The following AP4B1 variants were observed in gnomAD, a reference collection of about 807,000 sequenced individuals.
The protein encoded by AP4B1 is adaptor related protein complex 4 subunit beta 1.
Under a neutral mutation model 76.5 loss-of-function variants are expected in AP4B1, and 49 were observed. The observed-to-expected ratio is 0.64, with a 90% CI of 0.51 to 0.81. AP4B1 has a LOEUF of 0.81. Among genes scored for constraint, AP4B1 ranks in the 40% least tolerant of loss-of-function variants. The pLI, the probability that AP4B1 is intolerant of heterozygous loss-of-function variation, is 0.00. For synonymous variants in AP4B1, 330 were observed against 333.3 expected, an observed-to-expected ratio of 0.99 and a Z score of 0.11; for missense variants, 911 against 904.9, an observed-to-expected ratio of 1.01 and a Z score of -0.09.
In AP4B1 at chr1:113,894,834, C is replaced by G. The variant is rs1040735397; in HGVS notation, c.*231G>C. On this transcript the variant is annotated 3_prime_UTR_variant, in exon 10 of 10. Coordinates refer to ENST00000369569, the MANE Select transcript of AP4B1 (RefSeq NM_001253852.3). ...CCAAATCCCATCCTCAACGCATCTCCTTACCAACATTAACCTCTACAACAT... is the reference window on the plus strand; with the variant it reads ...CCAAATCCCATCCTCAACGCATCTCGTTACCAACATTAACCTCTACAACAT... 3.8e-6 allele frequency: 2 copies of G among 519,838 alleles called. No homozygotes were observed. Among genetic ancestry groups the G allele is most frequent in the African/African-American group, 3.8e-5 (2 of 52,278 alleles). 32.2% of individuals were successfully genotyped at this position (519,838 alleles called of 1,614,324 possible).
At chr1:113,896,868 G>A in intron 7 of AP4B1, 1 of 237,278 alleles carries the variant, frequency 4.2e-6, no homozygotes, top group Non-Finnish European at 8.3e-6. Flanking sequence ...TGTCAGCCGG[G>A]CACGGTGGCT....
rs1668446768 is a variant in AP4B1 at position 113,902,777 on chromosome 1, A to G, written c.199T>C (p.Leu67=). 6.2e-7 allele frequency: 1 copy of G among 1,614,164 alleles called. No homozygotes were observed. The highest frequency in any genetic ancestry group is 8.5e-7 in the Non-Finnish European group (1 of 1,180,032). The change falls in exon 2 of 10, where the codon TTG becomes CTG. Residue 67 remains leucine (L), a synonymous_variant. Transcript: ENST00000369569. ...SATVDIVQKK[L]VYLYMCTYAP... ...TATGTGCACATGTACAGATAAACCA[A>G]CTTCTTCTGGACAATATCTACAGTG...
rs1050642044 is a variant in AP4B1 at position 113,899,920 on chromosome 1, A to G, written c.1098T>C (p.Ala366=). Residue 366 remains alanine (A), a synonymous_variant, in exon 5 of 10, where the codon GCT becomes GCC. Transcript: ENST00000369569. ...CTDVSADFAQ[A]AIFAIGGIAR... ...GACACCTACCTATGGCAAAGATGGC[A>G]GCCTGTGCAAAGTCCGCAGACACAT... 7 of 1,614,072 alleles carry G rather than the reference A, an allele frequency of 4.3e-6. No individual in the cohort carries two copies. The highest frequency in any genetic ancestry group is 1.7e-5 in the Admixed American group (1 of 60,004).
Position 113,896,280 on chromosome 1 carries a change from T to C in AP4B1, c.1488A>G (p.Gly496=), listed in dbSNP as rs1667453777. The C allele has an allele frequency of 1.9e-6, 3 of 1,613,994 alleles. No homozygotes were observed. The highest frequency in any genetic ancestry group is 2.5e-6 in the Non-Finnish European group (3 of 1,180,030). ...SRPAECQDML[G]RLLYYCIEEE... ...CACCTATGCAGTAATACAACAAACG[T>C]CCTAGCATGTCCTGGCACTCAGCAG... Residue 496 remains glycine (G), a synonymous_variant, in exon 8 of 10, where the codon GGA becomes GGG. Coordinates refer to ENST00000369569, the MANE Select transcript of AP4B1 (RefSeq NM_001253852.3).
intron 5 of AP4B1, 81 bp from the exon 6 acceptor site, chr1:113,898,882 G>T: frequency 3.0e-6 from 3 of 1,003,696 alleles, no homozygotes; most frequent in African/African-American, 1.8e-5. Flanking sequence ...ACCAGTGAAA[G>T]ACAAAAGAAA....
At chr1:113,902,002 T>C (rs1668334045) in intron 2 of AP4B1, 117 bp from the exon 3 acceptor site, 1 of 1,316,998 alleles carries the variant, frequency 7.6e-7, no homozygotes, top group Admixed American at 1.7e-5. Context: ...TCATGAAGAA[T>C]TGCAGAAAGC....
Position 113,894,867 on chromosome 1 carries a change from G to T in AP4B1, c.*198C>A. ...CATTAACCTCTACAACATCATCACT[G>T]AAAAATGGGGTCAATTGCCAATAGG... On this transcript the variant is annotated 3_prime_UTR_variant, in exon 10 of 10. Transcript: ENST00000369569. 1 of 592,976 alleles carries T rather than the reference G, an allele frequency of 1.7e-6. No individual in the cohort carries two copies. The highest frequency in any genetic ancestry group is 2.9e-6 in the Non-Finnish European group (1 of 341,226). The allele number at this position is 592,976 out of a possible 1,614,324, so 36.7% of individuals were successfully genotyped here. A position where few individuals can be genotyped will look rare whatever the true frequency, so the allele number is the denominator to read the frequency against.
intron 7 of AP4B1, chr1:113,897,055 A>G (rs770865972): frequency 1.3e-5 from 2 of 155,924 alleles, no homozygotes; most frequent in African/African-American, 2.4e-5. Flanking sequence ...AGGCAGGAGA[A>G]TTGCTTGAAA....
intron 5 of AP4B1, 178 bp downstream of exon 5, chr1:113,899,726 C>CA (rs1054457838): frequency 3.8e-4 from 389 of 1,035,726 alleles, no homozygotes; most frequent in Non-Finnish European, 4.6e-4. Flanking sequence ...CAAAAAAAAA[C>CA]AAAAAACAAA....
Position 113,896,433 on chromosome 1 carries a change from G to T in AP4B1, c.1335C>A (p.Val445=), listed in dbSNP as rs1247196372. 6.2e-7 allele frequency: 1 copy of T among 1,614,030 alleles called. No homozygotes were observed. Among genetic ancestry groups the T allele is most frequent in the Non-Finnish European group, 8.5e-7 (1 of 1,180,036 alleles). The part of the protein sequence containing the change: ...GKQALIWLLG[V]HGERIPNAPY... ...GAGCATTAGGAATTCTTTCCCCATG[G>T]ACACCAAGTAGCCAAATAAGTGCTT... is the stretch of plus-strand genomic sequence containing the variant. Residue 445 remains valine (V), a synonymous_variant, in exon 8 of 10, where the codon GTC becomes GTA. Coordinates refer to ENST00000369569, the MANE Select transcript of AP4B1 (RefSeq NM_001253852.3).
chr1:113,898,086 A>G, intron 6 of AP4B1, 143 bp from the exon 7 acceptor site: 1 of 1,442,960 alleles, frequency 6.9e-7, no homozygotes, highest in Non-Finnish European at 9.4e-7. Flanking sequence ...ATGGTTATCT[A>G]AGAAATGTAA....
At position 113,895,117 on chromosome 1, in the gene AP4B1, A is replaced by C. The variant is rs1356893207; in HGVS notation, c.2168T>G (p.Phe723Cys). 1 of 1,614,178 alleles carries C rather than the reference A, an allele frequency of 6.2e-7. No individual in the cohort carries two copies. The highest frequency in any genetic ancestry group is 8.5e-7 in the Non-Finnish European group (1 of 1,180,020). Residue 723 changes from phenylalanine to cysteine, a missense_variant, in exon 10 of 10, where the codon TTT (phenylalanine) becomes TGT (cysteine). Physicochemically the swap from Phe to Cys is radical, Grantham distance 205 (BLOSUM62 -2). Coordinates refer to ENST00000369569, the MANE Select transcript of AP4B1 (RefSeq NM_001253852.3). Reference protein sequence around the residue: ...NEARTETLNSFISVLETVIGT... With the variant: ...NEARTETLNSCISVLETVIGT... ...AATCACAGTTTCTAATACAGAAATA[A>C]AACTATTCAGCGTCTCCGTTCTTGC... is the stretch of plus-strand genomic sequence containing the variant.
chr1:113,901,653 G>C, intron 3 of AP4B1, 102 bp downstream of exon 3: 1 of 1,509,670 alleles, frequency 6.6e-7, no homozygotes, highest in South Asian at 1.1e-5. Context: ...GATATGTACA[G>C]AACTGGGGCC....
rs1667282949 is a variant in AP4B1, at chr1:113,894,879, C to A, written c.*186G>T. The A allele has an allele frequency of 1.9e-5, 12 of 629,346 alleles. No individual in the cohort carries two copies. The highest frequency in any genetic ancestry group is 3.2e-5 in the Non-Finnish European group (12 of 370,184). 39.0% of individuals were successfully genotyped at this position (629,346 alleles called of 1,614,324 possible). On this transcript the variant is annotated 3_prime_UTR_variant, in exon 10 of 10. Coordinates refer to ENST00000369569, the MANE Select transcript of AP4B1 (RefSeq NM_001253852.3). ...CAACATCATCACTGAAAAATGGGGT[C>A]AATTGCCAATAGGAATGAAAGGAAT...
At chr1:113,895,657 C>A in intron 9 of AP4B1, 100 bp downstream of exon 9, 1 of 1,561,630 alleles carries the variant, frequency 6.4e-7, no homozygotes, top group Non-Finnish European at 8.8e-7. Context: ...CAAATTCAGG[C>A]AACAGTCTGA....
At chr1:113,898,525 G>A (rs1266926780) in intron 6 of AP4B1, among the ~76,000 whole-genome samples, 193 bp downstream of exon 6, 1 of 152,214 alleles carries the variant, frequency 6.6e-6, no homozygotes, top group Non-Finnish European at 1.5e-5. Flanking sequence ...CAGCCTTATA[G>A]ATCATGGCAG....
Position 113,895,302 on chromosome 1 carries a change from A to T in AP4B1, c.1983T>A (p.Leu661=). The T allele has an allele frequency of 6.2e-7, 1 of 1,614,188 alleles. No homozygotes were observed. Among genetic ancestry groups the T allele is most frequent in the East Asian group, 2.2e-5 (1 of 44,886 alleles). Residue 661 remains leucine (L), a synonymous_variant, in exon 10 of 10, where the codon CTT becomes CTA. Transcript: ENST00000369569. The part of the protein sequence containing the change: ...EFHPDTLQMA[L]QVVNIQTIAM... ...CGATGGTCTGGATGTTCACTACTTG[A>T]AGAGCCATCTGGAGGGTGTCAGGAT... is the stretch of plus-strand genomic sequence containing the variant.
intron 5 of AP4B1, chr1:113,899,381 G>C: frequency 9.9e-7 from 1 of 1,006,116 alleles, no homozygotes; most frequent in Non-Finnish European, 1.2e-6. Context: ...ATTCTGTGTT[G>C]GTCTACATTC....
At chr1:113,895,556 C>A in intron 9 of AP4B1, 64 bp from the exon 10 acceptor site, 1 of 1,592,168 alleles carries the variant, frequency 6.3e-7, no homozygotes, top group Non-Finnish European at 8.6e-7. Context: ...GTTTTTTATC[C>A]AAATTCCCAA....
Sources: allele counts gnomAD v4.1 joint callset (sites outside exome capture counted in the v4.1 genomes callset), GRCh38; gene constraint gnomAD v4.1.1; transcripts MANE v1.5; gene names NCBI Gene and HGNC (gene_info 2026-07-23, HGNC 2026-07-21).